CACNA1C: variants seen among roughly 807,000 people sequenced by gnomAD.
CACNA1C encodes the protein calcium voltage-gated channel subunit alpha1 C.
CACNA1C carries 30 observed loss-of-function variants against 229.0 expected under a neutral mutation model. The ratio of observed to expected loss-of-function variants is 0.13; its 90% CI spans 0.10 to 0.18. The LOEUF is 0.18. CACNA1C is among the 10% of genes least tolerant of loss of function. CACNA1C has a pLI of 1.00. For synonymous variants in CACNA1C, 1,114 were observed against 1,132.5 expected, an observed-to-expected ratio of 0.98 and a Z score of 0.33; for missense variants, 1,658 against 2,845.0, an observed-to-expected ratio of 0.58 and a Z score of 9.49.
intron 3 of CACNA1C, among the ~76,000 whole-genome samples, chr12:2,318,925 C>G (rs1305797407): frequency 2.6e-5 from 4 of 151,486 alleles, no homozygotes; most frequent in African/African-American, 4.9e-5. Context: ...GGGAGGAGAG[C>G]AGGGAAGGAA....
chr12:1,983,333 TTAC>T (rs1565821003), intron 1 of CACNA1C, among the ~76,000 whole-genome samples: 1 of 152,032 alleles, frequency 6.6e-6, no homozygotes, highest in Non-Finnish European at 1.5e-5. Context: ...AACGTTTGAA[TTAC>T]TGACTTAAGA....
chr12:2,042,440 C>T (rs2429149), intron 1 of CACNA1C, among the ~76,000 whole-genome samples: 8,221 of 152,158 alleles, frequency 0.054, 280 homozygotes, highest in Middle Eastern at 0.078. Context: ...ATGAGCTTTT[C>T]GAGGTAATTC....
At chr12:2,378,765 G>A (rs1371273943) in intron 3 of CACNA1C, among the ~76,000 whole-genome samples, 2 of 148,996 alleles carry the variant, frequency 1.3e-5, no homozygotes, top group Admixed American at 6.7e-5. Flanking sequence ...TGTTCTTTTT[G>A]TTTGTTTATT....
chr12:2,561,346 C>T (rs2047384120), intron 11 of CACNA1C, among the ~76,000 whole-genome samples: 1 of 152,230 alleles, frequency 6.6e-6, no homozygotes, highest in South Asian at 2.1e-4. Context: ...CACTCAGGCC[C>T]TGCTGTGACT....
At chr12:2,199,004 G>T (rs940701967) in intron 3 of CACNA1C, among the ~76,000 whole-genome samples, 3 of 152,168 alleles carry the variant, frequency 2.0e-5, no homozygotes, top group Admixed American at 2.0e-4. Context: ...TTTGTTGCAA[G>T]TTTGTCCTTT....
rs1458943435 is a variant in CACNA1C, at chr12:2,585,493, C to G, written c.2457C>G (p.Thr819=). 7.1e-6 allele frequency: 11 copies of G among 1,558,782 alleles called. No homozygotes were observed. In the South Asian group the frequency reaches 9.5e-5, roughly 14 times the overall value. The change falls in exon 17 of 47, where the codon ACC becomes ACG. Residue 819 remains threonine (T), a synonymous_variant. Transcript: ENST00000399655. The surrounding 1 kb of genome is among the most constrained non-coding windows in gnomAD (Gnocchi z 4.1). ...ITADGESPPA[T]KINMDDLQPN... ...CTGACGGAGAGTCTCCACCCGCCAC[C>G]AAGGTGAGGAGCTGTCTCCTTCCTG...
Position 2,397,206 on chromosome 12 carries a change from A to T in CACNA1C, c.478-51770A>T, listed in dbSNP as rs138596036. ...AAACCACACTTGCTTCCACACTTAA[A>T]CTCTGGGGACTGTGGAGTGTTATCC... On this transcript the variant is annotated intron_variant, in intron 3 of 46. Transcript: ENST00000399655. 1.9e-3 allele frequency among the ~76,000 whole-genome samples: 296 copies of T among 152,222 alleles called. 1 individual carries two copies. Among genetic ancestry groups the T allele is most frequent in the South Asian group, 3.5e-3 (17 of 4,816 alleles).
chr12:2,165,973 T>TG (rs1404558706), intron 3 of CACNA1C, among the ~76,000 whole-genome samples: 1 of 152,124 alleles, frequency 6.6e-6, no homozygotes, highest in Non-Finnish European at 1.5e-5. Context: ...AAAGAAATAA[T>TG]GGAAATGGCA....
At chr12:2,126,822 C>T (rs531654448) in intron 3 of CACNA1C, among the ~76,000 whole-genome samples, 5 of 152,364 alleles carry the variant, frequency 3.3e-5, no homozygotes, top group Non-Finnish European at 4.4e-5. Context: ...CTTCACAGGA[C>T]ATGCCCAGCA....
intron 1 of CACNA1C, among the ~76,000 whole-genome samples, chr12:1,979,561 C>T (rs563754462): frequency 1.4e-4 from 22 of 152,202 alleles, no homozygotes; most frequent in Admixed American, 7.8e-4. Flanking sequence ...ATCCGCCCGC[C>T]TCAGCCTCCC....
At chr12:2,114,081 C>G (rs147511157) in intron 1 of CACNA1C, among the ~76,000 whole-genome samples, 1 of 152,342 alleles carries the variant, frequency 6.6e-6, no homozygotes, top group African/African-American at 2.4e-5. Context: ...CAGCAGACAC[C>G]CTGTTACTGC....
chr12:2,076,173 C>T (rs1006811654), intron 1 of CACNA1C, among the ~76,000 whole-genome samples: 7 of 152,192 alleles, frequency 4.6e-5, no homozygotes, highest in African/African-American at 9.7e-5. Context: ...CTTACACAGG[C>T]TTGCCTTCGA....
At chr12:2,335,754 G>A (rs555930261) in intron 3 of CACNA1C, among the ~76,000 whole-genome samples, 1 of 152,288 alleles carries the variant, frequency 6.6e-6, no homozygotes, top group South Asian at 2.1e-4. Context: ...CTCCCTGCAG[G>A]CTGTTGTGAG....
chr12:2,674,043 G>A (rs774310130), intron 38 of CACNA1C, among the ~76,000 whole-genome samples: 4 of 152,238 alleles, frequency 2.6e-5, no homozygotes. Flanking sequence ...AGGGGAACTC[G>A]GGACAGAGCC....
intron 38 of CACNA1C, 148 bp from the exon 39 acceptor site, chr12:2,674,393 C>A: frequency 8.6e-7 from 1 of 1,157,850 alleles, no homozygotes; most frequent in Non-Finnish European, 1.2e-6. Flanking sequence ...AATGGGAAGA[C>A]TGGGGAGAAG....
rs115829751 is a variant in CACNA1C, at chr12:2,354,224, G to A, written c.478-94752G>A. The stretch of plus-strand genomic sequence containing the variant: ...TGGGCCCCGCACAGTTAGGCTGCCC[G>A]AGTCCCTCTGTCCTCGCACCCTCAC... On this transcript the variant is annotated intron_variant, in intron 3 of 46. Transcript: ENST00000399655. The surrounding 1 kb of genome is among the most constrained non-coding windows in gnomAD (Gnocchi z 4.6). Among the ~76,000 whole-genome samples the A allele has an allele frequency of 3.8e-3, 574 of 152,216 alleles. 3 individuals carry two copies. Among genetic ancestry groups the A allele is most frequent in the African/African-American group, 0.013 (548 of 41,536 alleles).
intron 1 of CACNA1C, among the ~76,000 whole-genome samples, chr12:2,009,720 A>C (rs895114829): frequency 1.2e-4 from 18 of 152,226 alleles, no homozygotes; most frequent in Admixed American, 1.1e-3. Flanking sequence ...GGAGGAGAAC[A>C]GTTTGAAGCA....
At chr12:2,018,950 A>G (rs190891651) in intron 1 of CACNA1C, among the ~76,000 whole-genome samples, 4 of 152,308 alleles carry the variant, frequency 2.6e-5, no homozygotes, top group South Asian at 4.1e-4. Context: ...TAAAAAAAAC[A>G]TTTAACCCTT....
chr12:1,976,511 T>G (rs1471504879), intron 1 of CACNA1C, among the ~76,000 whole-genome samples: 1 of 152,142 alleles, frequency 6.6e-6, no homozygotes, highest in Non-Finnish European at 1.5e-5. Flanking sequence ...AATGTCAAAT[T>G]CCTCGGCTCC....
Sources: gnomAD v4.1 joint callset for allele counts (sites outside exome capture counted in the v4.1 genomes callset) on GRCh38, gnomAD v4.1.1 for gene constraint, Gnocchi (gnomAD v3.1) non-coding constraint, MANE v1.5 for transcripts, NCBI Gene and HGNC (gene_info 2026-07-23, HGNC 2026-07-21) for gene names.